MAMDC2: variants seen among roughly 807,000 people sequenced by gnomAD.
MAMDC2 encodes MAM domain-containing protein 2.
Under a neutral mutation model 89.8 loss-of-function variants are expected in MAMDC2, and 57 were observed. The observed-to-expected ratio is 0.63, with a 90% CI of 0.51 to 0.79. The LOEUF (loss-of-function observed/expected upper bound fraction) is 0.79. Ranked by LOEUF, MAMDC2 falls within the 30% of genes least tolerant of loss-of-function variation. The pLI is 0.00. For missense variants in MAMDC2, 800 were observed against 820.6 expected (o/e 0.97, Z 0.31); for synonymous variants, 313 against 293.4 (o/e 1.07, Z -0.68).
chr9:70,081,230 A>G (rs774476480), intron 2 of MAMDC2, among the ~76,000 whole-genome samples: 1 of 151,976 alleles, frequency 6.6e-6, no homozygotes, highest in Non-Finnish European at 1.5e-5. Flanking sequence ...AAAATGAGGT[A>G]ATGTGGTTTG....
chr9:70,206,850 A>T (rs147786693), intron 11 of MAMDC2, among the ~76,000 whole-genome samples: 1 of 151,928 alleles, frequency 6.6e-6, no homozygotes, highest in African/African-American at 2.4e-5. Context: ...TCATTGTTCA[A>T]TTCCCACCTA....
At chr9:70,079,066 C>T (rs1827598739) in intron 2 of MAMDC2, among the ~76,000 whole-genome samples, 1 of 152,166 alleles carries the variant, frequency 6.6e-6, no homozygotes, top group African/African-American at 2.4e-5. Context: ...GAGCCATCTT[C>T]TGGAATTTGT....
chr9:70,045,421 C>T (rs1432248042), intron 2 of MAMDC2, among the ~76,000 whole-genome samples: 2 of 152,102 alleles, frequency 1.3e-5, no homozygotes, highest in African/African-American at 2.4e-5. Flanking sequence ...GTTCTCAGTA[C>T]CCAATGGCAG....
At chr9:70,088,582 T>G (rs1423239369) in intron 2 of MAMDC2, 1 of 151,674 alleles carries the variant, frequency 6.6e-6, no homozygotes, top group African/African-American at 2.4e-5. Context: ...CAATGGTGGT[T>G]CATGAGATTA....
chr9:70,131,114 G>C (rs947209508), intron 6 of MAMDC2, among the ~76,000 whole-genome samples: 1 of 152,116 alleles, frequency 6.6e-6, no homozygotes, highest in Non-Finnish European at 1.5e-5. Context: ...CCTGTTTCCT[G>C]GTCCATATGG....
At chr9:70,135,706 C>G (rs1453437759) in intron 7 of MAMDC2, among the ~76,000 whole-genome samples, 1 of 152,076 alleles carries the variant, frequency 6.6e-6, no homozygotes, top group Non-Finnish European at 1.5e-5. Flanking sequence ...CTCTCATAGT[C>G]CCTGTGCCTT....
At chr9:70,224,727 A>T (rs924718624) in intron 12 of MAMDC2, among the ~76,000 whole-genome samples, 1 of 152,126 alleles carries the variant, frequency 6.6e-6, no homozygotes, top group African/African-American at 2.4e-5. Context: ...TCACATACAT[A>T]CTGAGAAATA....
intron 7 of MAMDC2, among the ~76,000 whole-genome samples, chr9:70,135,797 A>G (rs970540815): frequency 1.3e-5 from 2 of 152,146 alleles, no homozygotes; most frequent in Admixed American, 6.5e-5. Context: ...ATTTGGACAA[A>G]TGTATAATGA....
chr9:70,169,325 G>A (rs1255536773), intron 10 of MAMDC2, among the ~76,000 whole-genome samples: 1 of 152,060 alleles, frequency 6.6e-6, no homozygotes, highest in African/African-American at 2.4e-5. Flanking sequence ...CATACATTAC[G>A]CCTAATGAGA....
intron 2 of MAMDC2, among the ~76,000 whole-genome samples, chr9:70,074,715 G>A (rs536075870): frequency 2.0e-5 from 3 of 152,336 alleles, no homozygotes; most frequent in African/African-American, 2.4e-5. Flanking sequence ...GTGTCTGTGC[G>A]CTTGAGGGAG....
chr9:70,107,433 G>A (rs1033100901), intron 2 of MAMDC2, among the ~76,000 whole-genome samples: 1 of 152,048 alleles, frequency 6.6e-6, no homozygotes. Flanking sequence ...GAGAAAGGAG[G>A]AAACAGGGAA....
At chr9:70,080,301 T>C (rs898649336) in intron 2 of MAMDC2, among the ~76,000 whole-genome samples, 1 of 152,330 alleles carries the variant, frequency 6.6e-6, no homozygotes, top group South Asian at 2.1e-4. Flanking sequence ...AGTGTACCTA[T>C]GTTTTTATAT....
intron 9 of MAMDC2, among the ~76,000 whole-genome samples, chr9:70,144,167 T>A (rs2031320219): frequency 6.6e-6 from 1 of 152,206 alleles, no homozygotes. Context: ...TTTCCCTCCC[T>A]CTTTCTCAAA....
chr9:70,158,082 C>A (rs147347382), intron 9 of MAMDC2, among the ~76,000 whole-genome samples: 1 of 152,088 alleles, frequency 6.6e-6, no homozygotes, highest in Non-Finnish European at 1.5e-5. Flanking sequence ...CTCAGCCTCC[C>A]AAGTAGCTGG....
chr9:70,126,469 C>T (rs985281154), intron 6 of MAMDC2, 54 bp downstream of exon 6: 6 of 1,557,716 alleles, frequency 3.9e-6, no homozygotes, highest in African/African-American at 1.3e-5. Flanking sequence ...GACATGCCAC[C>T]CACACACAGG....
chr9:70,066,475 C>T (rs1185311065), intron 2 of MAMDC2, among the ~76,000 whole-genome samples: 1 of 152,012 alleles, frequency 6.6e-6, no homozygotes, highest in African/African-American at 2.4e-5. Context: ...AGAAGAATCT[C>T]GCAGGCTGGT....
chr9:70,139,695 C>T (rs1327267242), intron 7 of MAMDC2, among the ~76,000 whole-genome samples: 1 of 152,178 alleles, frequency 6.6e-6, no homozygotes, highest in East Asian at 1.9e-4. Context: ...GGAATCGCCA[C>T]ACTGACTTCC....
chr9:70,209,788 C>T lies in MAMDC2; in HGVS notation c.1652-8549C>T, dbSNP rs182518219. Among the ~76,000 whole-genome samples, 598 of 152,266 alleles carry T rather than the reference C, an allele frequency of 3.9e-3. 3 individuals carry two copies. The highest frequency in any genetic ancestry group is 0.013 in the African/African-American group (553 of 41,542). On this transcript the variant is annotated intron_variant, in intron 11 of 13. Coordinates refer to ENST00000377182, the MANE Select transcript of MAMDC2 (RefSeq NM_153267.5). ...TGGGCATTTAGTGCTATAAATTTCC[C>T]TCTACACACTGCTTTAAATGTGTGC... is the stretch of plus-strand genomic sequence containing the variant.
At chr9:70,185,550 T>C (rs1012153598) in intron 11 of MAMDC2, among the ~76,000 whole-genome samples, 1 of 152,174 alleles carries the variant, frequency 6.6e-6, no homozygotes, top group African/African-American at 2.4e-5. Flanking sequence ...ATTTTATCTA[T>C]AAGCTGCTGC....
Sources: allele counts gnomAD v4.1 joint callset (sites outside exome capture counted in the v4.1 genomes callset), GRCh38; gene constraint gnomAD v4.1.1; transcripts MANE v1.5; gene names NCBI Gene and HGNC (gene_info 2026-07-23, HGNC 2026-07-21).